Variants in PACRGL observed in about 807,000 individuals in gnomAD.
PACRGL encodes PACRG-like protein.
Under a neutral mutation model 34.5 loss-of-function variants are expected in PACRGL, and 38 were observed. The ratio of observed to expected loss-of-function variants is 1.10; its 90% CI spans 0.85 to 1.44. The LOEUF (loss-of-function observed/expected upper bound fraction) is 1.44. PACRGL is among the 40% of genes most tolerant of loss of function. The pLI is 0.00. For synonymous variants in PACRGL, 128 were observed against 100.1 expected (o/e 1.28, Z -1.66); for missense variants, 305 against 281.4 (o/e 1.08, Z -0.60).
At chr4:20,713,030 G>T (rs3764965) in intron 6 of PACRGL, 108 bp downstream of exon 6, 516,690 of 1,172,780 alleles carry the variant, frequency 0.44, 116,671 homozygotes, top group Middle Eastern at 0.55. Flanking sequence ...TATATGCAAA[G>T]TAGTCCTTTA....
At chr4:20,709,646 A>G in intron 4 of PACRGL, 37 bp from the exon 5 acceptor site, 2 of 1,333,134 alleles carry the variant, frequency 1.5e-6, no homozygotes, top group Non-Finnish European at 2.1e-6. Context: ...ATAGAATTAT[A>G]TTTTTCTTGT....
At chr4:20,739,838 A>C (rs71607032) in intron 8 of PACRGL, among the ~76,000 whole-genome samples, 30,260 of 152,080 alleles carry the variant, frequency 0.2, 3,342 homozygotes, top group East Asian at 0.42. Context: ...AGAAGCTAAA[A>C]ACCTTGAGAA....
downstream of PACRGL, among the ~76,000 whole-genome samples, chr4:20,755,608 GAAATATATAT>G (rs1754341794): frequency 6.6e-6 from 1 of 152,156 alleles, no homozygotes; most frequent in South Asian, 2.1e-4. Context: ...TGGTACAAGT[GAAATATATAT>G]TATTGGATTG....
intron 8 of PACRGL, chr4:20,749,796 A>T: frequency 9.6e-7 from 1 of 1,040,354 alleles, no homozygotes; most frequent in South Asian, 1.5e-5. Flanking sequence ...AGACTTGGAT[A>T]GCAGTCCAAG....
intron 5 of PACRGL, among the ~76,000 whole-genome samples, chr4:20,712,541 A>G (rs1359240417): frequency 1.3e-5 from 2 of 152,106 alleles, no homozygotes; most frequent in Non-Finnish European, 2.9e-5. Context: ...GAAGAACTTT[A>G]GTATCCACGG....
At chr4:20,758,082 C>T in the PACRGL span, among the ~76,000 whole-genome samples, 1 of 152,170 alleles carries the variant, frequency 6.6e-6, no homozygotes, top group Non-Finnish European at 1.5e-5. Flanking sequence ...GTGATCAGCA[C>T]CTCATGCATG....
chr4:20,712,827 A>C lies in PACRGL; in HGVS notation c.406A>C (p.Lys136Gln). Reference sequence around the variant, plus strand: ...TAAGCATCCATACACTTTTGTGTCAAAGGAGGGTTTTAGAGAATTACTTTT... The same window carrying C: ...TAAGCATCCATACACTTTTGTGTCACAGGAGGGTTTTAGAGAATTACTTTT... Reference protein sequence around the residue: ...ETKHPYTFVSKEGFRELLLVK... With the variant: ...ETKHPYTFVSQEGFRELLLVK... Residue 136 changes from lysine to glutamine, a missense_variant, in exon 6 of 9, where the codon AAG becomes CAG. Physicochemically the swap from Lys to Gln is moderately conservative, Grantham distance 53. Transcript: ENST00000503585. 1 of 1,597,494 alleles carries C rather than the reference A, an allele frequency of 6.3e-7. No individual in the cohort carries two copies. Among genetic ancestry groups the C allele is most frequent in the Non-Finnish European group, 8.5e-7 (1 of 1,170,130 alleles).
upstream of PACRGL, among the ~76,000 whole-genome samples, chr4:20,698,937 G>A (rs1731399700): frequency 6.6e-6 from 1 of 152,146 alleles, no homozygotes; most frequent in East Asian, 1.9e-4. Context: ...ATAATGAAGA[G>A]GAAATTGAGG....
Position 20,730,628 on chromosome 4 carries a change from CTT to C in PACRGL, c.*3289_*3290del, listed in dbSNP as rs957559997. On this transcript the variant is annotated 3_prime_UTR_variant, in exon 9 of 9. Coordinates refer to ENST00000503585, the MANE Select transcript of PACRGL (RefSeq NM_001258345.3). ...TAACATGTTTGCAGTAATCATCTCT[CTT>C]TCTGTCTGCTAGTTATGGCTAAAGC... is the stretch of plus-strand genomic sequence containing the variant. Among the ~76,000 whole-genome samples the C allele has an allele frequency of 3.3e-5, 5 of 152,116 alleles. No individual in the cohort carries two copies. Among genetic ancestry groups the C allele is most frequent in the African/African-American group, 1.2e-4 (5 of 41,396 alleles).
chr4:20,759,852 G>T, the PACRGL span, among the ~76,000 whole-genome samples: 1 of 152,124 alleles, frequency 6.6e-6, no homozygotes, highest in Non-Finnish European at 1.5e-5. Context: ...ATTGAATCAT[G>T]TGAGATATTA....
At position 20,730,218 on chromosome 4, in the gene PACRGL, C is replaced by A; in HGVS notation, c.*2877C>A. On this transcript the variant is annotated 3_prime_UTR_variant, in exon 9 of 9. Transcript: ENST00000503585. Reference sequence around the variant, plus strand: ...GCCCCTGAGTATTGCCTCCTCCCATCAACCACCTCAACCACCTATGCCAAA... The same window carrying A: ...GCCCCTGAGTATTGCCTCCTCCCATAAACCACCTCAACCACCTATGCCAAA... 1 of 1,396,842 alleles carries A rather than the reference C, an allele frequency of 7.2e-7. No individual in the cohort carries two copies. The highest frequency in any genetic ancestry group is 9.6e-7 in the Non-Finnish European group (1 of 1,046,272). The allele number at this position is 1,396,842 out of a possible 1,614,324, so 86.5% of individuals were successfully genotyped here. A position where few individuals can be genotyped will look rare whatever the true frequency, so the allele number is the denominator to read the frequency against.
chr4:20,730,531 TTG>T lies in PACRGL; in HGVS notation c.*3196_*3197del, dbSNP rs1747806172. 6.6e-6 allele frequency among the ~76,000 whole-genome samples: 1 copy of T among 151,710 alleles called. No homozygotes were observed. Among genetic ancestry groups the T allele is most frequent in the African/African-American group, 2.4e-5 (1 of 41,132 alleles). Reference sequence around the variant, plus strand: ...ACTTTTATACAGGTACAAGGAAAATTTGTGTGTATGAGCCAGCAGTTCATGAA... The same window carrying T: ...ACTTTTATACAGGTACAAGGAAAATTTGTGTATGAGCCAGCAGTTCATGAA... On this transcript the variant is annotated 3_prime_UTR_variant, in exon 9 of 9. Coordinates refer to ENST00000503585, the MANE Select transcript of PACRGL (RefSeq NM_001258345.3).
At position 20,731,652 on chromosome 4, in the gene PACRGL, G is replaced by A; in HGVS notation, c.*4311G>A. 2.0e-6 allele frequency: 2 copies of A among 985,196 alleles called. No individual in the cohort carries two copies. Among genetic ancestry groups the A allele is most frequent in the Non-Finnish European group, 2.4e-6 (2 of 829,772 alleles). The allele number at this position is 985,196 out of a possible 1,614,324, so 61.0% of individuals were successfully genotyped here. On this transcript the variant is annotated 3_prime_UTR_variant, in exon 9 of 9. Coordinates refer to ENST00000503585, the MANE Select transcript of PACRGL (RefSeq NM_001258345.3). ...TATCTAGGAATTCTAATGCTGTGGA[G>A]ATATGATAGATAATATATGAGTGAT...
the PACRGL span, among the ~76,000 whole-genome samples, chr4:20,764,325 T>C: frequency 6.6e-6 from 1 of 152,182 alleles, no homozygotes; most frequent in Non-Finnish European, 1.5e-5. Flanking sequence ...TCTTTAACTT[T>C]AGGAAATATC....
At chr4:20,722,812 G>T (rs1213605511) in intron 7 of PACRGL, among the ~76,000 whole-genome samples, 1 of 152,118 alleles carries the variant, frequency 6.6e-6, no homozygotes, top group African/African-American at 2.4e-5. Flanking sequence ...CAAACTTTAG[G>T]CAAGGGAAGT....
intron 8 of PACRGL, among the ~76,000 whole-genome samples, chr4:20,738,793 C>T (rs917916521): frequency 7.2e-5 from 11 of 152,206 alleles, no homozygotes; most frequent in African/African-American, 1.2e-4. Context: ...GGTGGGGCAT[C>T]GCCTCACCCA....
chr4:20,724,107 A>C (rs1455239969), intron 7 of PACRGL, among the ~76,000 whole-genome samples: 1 of 152,218 alleles, frequency 6.6e-6, no homozygotes. Context: ...TCCTCTATGC[A>C]AAATAAGCTA....
At chr4:20,742,470 A>G (rs1342779516) in intron 8 of PACRGL, among the ~76,000 whole-genome samples, 1 of 152,188 alleles carries the variant, frequency 6.6e-6, no homozygotes, top group Non-Finnish European at 1.5e-5. Context: ...CAAAAACCAC[A>G]TGATTATCTC....
chr4:20,709,834 C>T (rs750250447), intron 5 of PACRGL, 61 bp downstream of exon 5: 2 of 1,376,398 alleles, frequency 1.5e-6, no homozygotes, highest in Non-Finnish European at 2.1e-6. Context: ...GCATTAAATG[C>T]TACTTTGTAG....
Sources: allele counts gnomAD v4.1 joint callset (sites outside exome capture counted in the v4.1 genomes callset), GRCh38; gene constraint gnomAD v4.1.1; transcripts MANE v1.5; gene names NCBI Gene and HGNC (gene_info 2026-07-23, HGNC 2026-07-21).